LRP1B: variants seen among roughly 807,000 people sequenced by gnomAD.
LRP1B encodes LDL receptor related protein 1B, also known as low-density lipoprotein receptor-related protein 1B.
Under a neutral mutation model 556.6 loss-of-function variants are expected in LRP1B, and 217 were observed. The ratio of observed to expected loss-of-function variants is 0.39; its 90% CI spans 0.35 to 0.44. The LOEUF (loss-of-function observed/expected upper bound fraction) is 0.44, where lower values mean the gene tolerates loss of function less well. Among genes scored for constraint, LRP1B ranks in the 20% least tolerant of loss-of-function variants. LRP1B has a pLI of 1.00. For missense variants in LRP1B, 5,053 were observed against 5,620.8 expected (o/e 0.90, Z 3.23); for synonymous variants, 2,047 against 1,865.8 (o/e 1.10, Z -2.50).
In LRP1B at chr2:140,923,026, T is replaced by G; in HGVS notation, c.3258A>C (p.Lys1086Asn). Reference sequence around the variant, plus strand: ...ACAATCGTATGGTACCATTGCAACCTTTTTCATCACTACCATCTTCACAGT... The same window carrying G: ...ACAATCGTATGGTACCATTGCAACCGTTTTCATCACTACCATCTTCACAGT... ...EKDCEDGSDE[K>N]GCNGTIRLCD... The change falls in exon 21 of 91, where the codon AAA becomes AAC. Residue 1086 changes from lysine to asparagine, a missense_variant. By Grantham distance (94) the Lys-to-Asn change is moderately conservative (BLOSUM62 0). Coordinates refer to ENST00000389484, the MANE Select transcript of LRP1B (RefSeq NM_018557.3). The G allele has an allele frequency of 6.2e-7, 1 of 1,612,626 alleles. No homozygotes were observed. The highest frequency in any genetic ancestry group is 8.5e-7 in the Non-Finnish European group (1 of 1,179,016).
intron 1 of LRP1B, among the ~76,000 whole-genome samples, chr2:142,086,623 A>ACAAC: frequency 3.5e-5 from 1 of 28,360 alleles, no homozygotes; most frequent in African/African-American, 7.2e-5. Context: ...AAACAAACAA[A>ACAAC]CAAACAAACA....
chr2:141,637,556 T>C (rs966893634), intron 2 of LRP1B, among the ~76,000 whole-genome samples: 6 of 152,200 alleles, frequency 3.9e-5, no homozygotes, highest in African/African-American at 1.4e-4. Flanking sequence ...TAACTAGGGA[T>C]GGTGAATAAG....
intron 3 of LRP1B, among the ~76,000 whole-genome samples, chr2:141,430,985 A>C (rs1207420879): frequency 6.6e-6 from 1 of 151,840 alleles, no homozygotes; most frequent in Non-Finnish European, 1.5e-5. Flanking sequence ...AATTAAAAGA[A>C]AATTAGCCAG....
chr2:141,544,334 C>CTTCTT (rs1559131133), intron 2 of LRP1B, among the ~76,000 whole-genome samples: 54 of 66,438 alleles, frequency 8.1e-4, no homozygotes, highest in Middle Eastern at 7.2e-3. Context: ...TCTTCTTCTT[C>CTTCTT]TTCTTCTTCT....
intron 5 of LRP1B, among the ~76,000 whole-genome samples, chr2:141,238,393 T>G (rs1200063737): frequency 6.6e-6 from 1 of 152,158 alleles, no homozygotes; most frequent in Non-Finnish European, 1.5e-5. Flanking sequence ...TAAAGTAATT[T>G]CAGTTTGAAA....
In LRP1B at chr2:140,604,262, CCCA is replaced by C. The variant is rs568227069; in HGVS notation, c.6800-2626_6800-2624del. ...AAAAAAAGAGTTTTCTTCCCTCTTA[CCCA>C]CTTTTGAGCAGGGAATTGAGATTGG... On this transcript the variant is annotated intron_variant, in intron 41 of 90. Transcript: ENST00000389484. Among the ~76,000 whole-genome samples the C allele has an allele frequency of 1.8e-4, 27 of 151,988 alleles. 1 individual carries two copies. In the East Asian group the frequency reaches 5.2e-3, roughly 29 times the overall value.
At chr2:140,936,451 G>A (rs1385965107) in intron 20 of LRP1B, among the ~76,000 whole-genome samples, 1 of 150,940 alleles carries the variant, frequency 6.6e-6, no homozygotes, top group East Asian at 2.0e-4. Context: ...CTTCAAAATT[G>A]AAGGTGAAAT....
chr2:141,059,711 T>G (rs1253652797), intron 8 of LRP1B, among the ~76,000 whole-genome samples: 1 of 151,862 alleles, frequency 6.6e-6, no homozygotes, highest in Non-Finnish European at 1.5e-5. Context: ...TGATGTTTAT[T>G]GCTATCCATA....
intron 35 of LRP1B, among the ~76,000 whole-genome samples, chr2:140,748,828 C>CAT (rs70988429): frequency 0.14 from 11,400 of 79,228 alleles, 2,068 homozygotes; most frequent in African/African-American, 0.27. Context: ...TAATATATAT[C>CAT]ATATATTATA....
intron 3 of LRP1B, among the ~76,000 whole-genome samples, chr2:141,435,213 G>C (rs1248782997): frequency 6.6e-6 from 1 of 152,130 alleles, no homozygotes. Context: ...TTTTTGGTCA[G>C]AGGTTGTATT....
chr2:140,636,263 T>G (rs1236073885), intron 41 of LRP1B, among the ~76,000 whole-genome samples: 2 of 152,182 alleles, frequency 1.3e-5, no homozygotes, highest in East Asian at 3.8e-4. Flanking sequence ...CATGGAAGAC[T>G]CAATACCCGT....
At chr2:141,396,863 C>T (rs993636705) in intron 3 of LRP1B, among the ~76,000 whole-genome samples, 1 of 151,956 alleles carries the variant, frequency 6.6e-6, no homozygotes, top group Admixed American at 6.6e-5. Context: ...CGGCTCATGC[C>T]TGTAATCCCA....
intron 1 of LRP1B, among the ~76,000 whole-genome samples, chr2:141,877,734 A>G (rs1464608501): frequency 6.6e-6 from 1 of 152,028 alleles, no homozygotes; most frequent in East Asian, 1.9e-4. Context: ...TGCAGAAGGT[A>G]GAGTGTTGAA....
intron 3 of LRP1B, among the ~76,000 whole-genome samples, chr2:141,414,070 T>C (rs530038385): frequency 8.6e-5 from 13 of 151,918 alleles, no homozygotes; most frequent in Admixed American, 7.9e-4. Flanking sequence ...AACCTGTCTC[T>C]ACTAAAAATA....
intron 79 of LRP1B, among the ~76,000 whole-genome samples, chr2:140,327,740 A>AATCAACAATATTGTTTT (rs1425956363): frequency 3.9e-5 from 6 of 152,070 alleles, no homozygotes; most frequent in Non-Finnish European, 8.8e-5. Flanking sequence ...AATCCAATTT[A>AATCAACAATATTGTTTT]ATCAACAATA....
chr2:141,230,616 C>T (rs1163859395), intron 5 of LRP1B, among the ~76,000 whole-genome samples: 1 of 152,160 alleles, frequency 6.6e-6, no homozygotes, highest in Non-Finnish European at 1.5e-5. Context: ...TCATTTCCTT[C>T]ATCTCCTTAC....
intron 18 of LRP1B, among the ~76,000 whole-genome samples, chr2:140,978,216 A>G (rs1696663284): frequency 6.6e-6 from 1 of 152,226 alleles, no homozygotes; most frequent in Non-Finnish European, 1.5e-5. Flanking sequence ...AAATGCAAGT[A>G]AAATAAATTA....
chr2:141,186,135 A>G (rs905149473), intron 7 of LRP1B, among the ~76,000 whole-genome samples: 1 of 150,596 alleles, frequency 6.6e-6, no homozygotes, highest in Admixed American at 6.6e-5. Context: ...TTCTCCAGGC[A>G]TCCTTTTGGG....
At chr2:140,984,826 C>T (rs933849681) in intron 17 of LRP1B, among the ~76,000 whole-genome samples, 1 of 152,038 alleles carries the variant, frequency 6.6e-6, no homozygotes, top group South Asian at 2.1e-4. Flanking sequence ...CTTAGTCTAC[C>T]AGGCAATTTT....
Sources: gnomAD v4.1 joint callset for allele counts (sites outside exome capture counted in the v4.1 genomes callset) on GRCh38, gnomAD v4.1.1 for gene constraint, MANE v1.5 for transcripts, NCBI Gene and HGNC (gene_info 2026-07-23, HGNC 2026-07-21) for gene names.